The following RPA3 variants were observed in gnomAD, a reference collection of about 807,000 sequenced individuals.
The protein encoded by RPA3 is replication protein A3.
Under a neutral mutation model 13.7 loss-of-function variants are expected in RPA3, and 24 were observed. The ratio of observed to expected loss-of-function variants is 1.75; its 90% CI spans 1.27 to 2.46. The LOEUF is 2.46. RPA3 is among the 30% of genes most tolerant of loss of function. RPA3 has a pLI of 0.00. For missense variants in RPA3, 183 were observed against 151.0 expected (o/e 1.21, Z -1.11); for synonymous variants, 59 against 51.2 (o/e 1.15, Z -0.65).
At chr7:7,713,253 A>G (rs922234679) in intron 2 of RPA3, among the ~76,000 whole-genome samples, 2 of 152,044 alleles carry the variant, frequency 1.3e-5, no homozygotes, top group Non-Finnish European at 2.9e-5. Context: ...CTGAGGCAGG[A>G]GAATCACTTG....
intron 4 of RPA3, among the ~76,000 whole-genome samples, chr7:7,643,679 T>A (rs1222797083): frequency 5.0e-5 from 7 of 139,508 alleles, no homozygotes; most frequent in African/African-American, 1.9e-4. Flanking sequence ...GCCACTTCAC[T>A]CCAACCTGGG....
intron 4 of RPA3, among the ~76,000 whole-genome samples, chr7:7,681,473 C>G (rs1779911110): frequency 6.6e-6 from 1 of 151,916 alleles, no homozygotes; most frequent in Non-Finnish European, 1.5e-5. Flanking sequence ...ATTTCGAAAG[C>G]TTTTAGCCTC....
intron 4 of RPA3, among the ~76,000 whole-genome samples, chr7:7,665,344 A>AATTAAAAGTGT (rs1197836817): frequency 6.6e-6 from 1 of 152,244 alleles, no homozygotes; most frequent in African/African-American, 2.4e-5. Flanking sequence ...ATTAAAAGTC[A>AATTAAAAGTGT]ATACAGTGTC....
intron 4 of RPA3, chr7:7,673,526 A>G: frequency 1.5e-6 from 1 of 658,804 alleles, no homozygotes; most frequent in East Asian, 2.7e-5. Flanking sequence ...AAATTATATG[A>G]TTGATTTTAA....
intron 4 of RPA3, among the ~76,000 whole-genome samples, chr7:7,684,206 AT>A (rs112128125): frequency 1.1e-3 from 153 of 144,606 alleles, no homozygotes; most frequent in South Asian, 1.8e-3. Context: ...CACAGATGCA[AT>A]TTTTTTTTTT....
Position 7,636,861 on chromosome 7 carries a change from C to A in RPA3, c.*139G>T. ...AGAACTGTCAATATATCAGTTCCAT[C>A]AAAAACTCTAGGTTGGAATATCTTA... is the stretch of plus-strand genomic sequence containing the variant. On this transcript the variant is annotated 3_prime_UTR_variant, in exon 8 of 8. Transcript: ENST00000223129. 1 of 676,968 alleles carries A rather than the reference C, an allele frequency of 1.5e-6. No homozygotes were observed. The highest frequency in any genetic ancestry group is 1.8e-5 in the South Asian group (1 of 56,736). The allele number at this position is 676,968 out of a possible 1,614,324, so 41.9% of individuals were successfully genotyped here.
chr7:7,689,745 T>G (rs58330639), intron 2 of RPA3, among the ~76,000 whole-genome samples: 1 of 152,178 alleles, frequency 6.6e-6, no homozygotes, highest in African/African-American at 2.4e-5. Context: ...AGTTCAATTT[T>G]AAATGAAATT....
At chr7:7,638,192 C>T in intron 6 of RPA3, 1 of 399,930 alleles carries the variant, frequency 2.5e-6, no homozygotes, top group East Asian at 4.3e-5. Context: ...AGCTTCAAGT[C>T]CAAAGCTACA....
chr7:7,674,900 A>G (rs963306413), intron 4 of RPA3, among the ~76,000 whole-genome samples: 1 of 152,112 alleles, frequency 6.6e-6, no homozygotes, highest in African/African-American at 2.4e-5. Context: ...ATTTTTTCCA[A>G]AAAACTCTTG....
chr7:7,710,421 C>G (rs1050218809), intron 2 of RPA3, among the ~76,000 whole-genome samples: 1 of 152,098 alleles, frequency 6.6e-6, no homozygotes, highest in African/African-American at 2.4e-5. Flanking sequence ...CATGAAGAGA[C>G]ATTTCACTGA....
At chr7:7,673,219 G>T in intron 4 of RPA3, 1 of 823,044 alleles carries the variant, frequency 1.2e-6, no homozygotes. Flanking sequence ...AGTAACTATT[G>T]TTATATCGTT....
At chr7:7,673,601 A>G (rs1356818361) in intron 4 of RPA3, 2 of 600,634 alleles carry the variant, frequency 3.3e-6, no homozygotes, top group African/African-American at 3.7e-5. Context: ...ATCTGTAAAG[A>G]TGAAAGTCAT....
intron 6 of RPA3, 64 bp downstream of exon 6, chr7:7,639,006 C>T: frequency 2.3e-6 from 3 of 1,301,130 alleles, no homozygotes; most frequent in Non-Finnish European, 3.1e-6. Flanking sequence ...ACATCGGCAA[C>T]AAACCAAATC....
At chr7:7,680,397 T>C (rs1779880387) in intron 4 of RPA3, among the ~76,000 whole-genome samples, 2 of 152,180 alleles carry the variant, frequency 1.3e-5, no homozygotes, top group Admixed American at 1.3e-4. Context: ...CATTCGTCCA[T>C]GTGTCTGTTT....
chr7:7,646,471 T>C (rs1227421387), intron 4 of RPA3, among the ~76,000 whole-genome samples: 4 of 137,944 alleles, frequency 2.9e-5, no homozygotes, highest in Non-Finnish European at 6.2e-5. Context: ...GGGAAACCCC[T>C]TTCGCTGGAT....
intron 4 of RPA3, among the ~76,000 whole-genome samples, chr7:7,648,928 G>A (rs1259408609): frequency 6.6e-6 from 1 of 152,066 alleles, no homozygotes; most frequent in Non-Finnish European, 1.5e-5. Context: ...GGAGGCCGAG[G>A]TGGGTGGATC....
intron 2 of RPA3, among the ~76,000 whole-genome samples, chr7:7,710,501 A>G (rs62432601): frequency 0.16 from 23,866 of 152,238 alleles, 2,203 homozygotes; most frequent in South Asian, 0.21. Context: ...TAAAACCATA[A>G]TGATAGGTCT....
At chr7:7,696,074 C>T (rs2115145875) in intron 2 of RPA3, among the ~76,000 whole-genome samples, 1 of 148,060 alleles carries the variant, frequency 6.8e-6, no homozygotes, top group South Asian at 2.2e-4. Flanking sequence ...GGTGTGATCA[C>T]AGCTCACTGC....
intron 4 of RPA3, among the ~76,000 whole-genome samples, chr7:7,670,462 A>G (rs1779578071): frequency 6.6e-6 from 1 of 152,186 alleles, no homozygotes; most frequent in South Asian, 2.1e-4. Flanking sequence ...CTGTCCTATT[A>G]TGTCTCCATA....
Sources: allele counts gnomAD v4.1 joint callset (sites outside exome capture counted in the v4.1 genomes callset), GRCh38; gene constraint gnomAD v4.1.1; transcripts MANE v1.5; gene names NCBI Gene and HGNC (gene_info 2026-07-23, HGNC 2026-07-21).